The following TRAPPC11 variants were observed in gnomAD, a reference collection of about 807,000 sequenced individuals.
TRAPPC11 encodes the protein foie gras homolog.
A neutral mutation model predicts 151.2 loss-of-function variants in TRAPPC11; 104 were observed. The ratio of observed to expected loss-of-function variants is 0.69; its 90% CI spans 0.59 to 0.81. The LOEUF is 0.81. TRAPPC11 is among the 30% of genes least tolerant of loss of function. TRAPPC11 has a pLI of 0.00. For missense variants in TRAPPC11, 1,230 were observed against 1,349.6 expected (o/e 0.91, Z 1.39); for synonymous variants, 456 against 472.3 (o/e 0.97, Z 0.45).
At chr4:183,701,528 T>C in intron 25 of TRAPPC11, 169 bp from the exon 26 acceptor site, 1 of 558,326 alleles carries the variant, frequency 1.8e-6, no homozygotes. Flanking sequence ...AACAGTGGAC[T>C]TTGTGACCTT....
intron 22 of TRAPPC11, 95 bp downstream of exon 22, chr4:183,694,133 T>A (rs1011552207): frequency 3.0e-6 from 4 of 1,341,770 alleles, no homozygotes; most frequent in Non-Finnish European, 4.2e-6. Flanking sequence ...TTTTAACGCA[T>A]ATTCTAGGAC....
intron 29 of TRAPPC11, among the ~76,000 whole-genome samples, chr4:183,710,749 C>T (rs1737302934): frequency 1.3e-5 from 2 of 151,470 alleles, no homozygotes; most frequent in Admixed American, 6.6e-5. Flanking sequence ...AAAATTTTGG[C>T]CGGGCGTGGT....
At chr4:183,693,874 G>A in intron 21 of TRAPPC11, 43 bp from the exon 22 acceptor site, 2 of 1,605,890 alleles carry the variant, frequency 1.2e-6, no homozygotes, top group Non-Finnish European at 8.5e-7. Context: ...TTGGGATAAT[G>A]TTTGAATTCT....
At chr4:183,682,667 T>G (rs1288652538) in intron 10 of TRAPPC11, 65 bp from the exon 11 acceptor site, 21 of 1,038,466 alleles carry the variant, frequency 2.0e-5, no homozygotes, top group Non-Finnish European at 2.8e-5. Flanking sequence ...AGTCAAAGGT[T>G]GGGCAAGAGT....
At chr4:183,675,956 G>T (rs10049952) in intron 7 of TRAPPC11, among the ~76,000 whole-genome samples, 1 of 151,558 alleles carries the variant, frequency 6.6e-6, no homozygotes, top group Non-Finnish European at 1.5e-5. Context: ...TGAAGACAAA[G>T]GTATTAAAAA....
intron 1 of TRAPPC11, among the ~76,000 whole-genome samples, chr4:183,662,323 T>G (rs1308209061): frequency 7.5e-6 from 1 of 132,854 alleles, no homozygotes; most frequent in Non-Finnish European, 1.5e-5. Context: ...GCCAGTGCAC[T>G]CCAGCCTGGT....
chr4:183,689,933 T>C (rs1736174872), intron 18 of TRAPPC11, among the ~76,000 whole-genome samples: 2 of 152,210 alleles, frequency 1.3e-5, no homozygotes. Context: ...CGGGGCGCAG[T>C]GGCTCACGCC....
Position 183,683,992 on chromosome 4 carries a change from C to G in TRAPPC11, c.1225C>G (p.Pro409Ala). The change falls in exon 12 of 30, where the codon CCT becomes GCT. Residue 409 changes from proline to alanine, a missense_variant. By Grantham distance (27) the Pro-to-Ala change is conservative (BLOSUM62 -1). Transcript: ENST00000334690. Reference protein sequence around the residue: ...QGILSFDLSDPEKEKVGILAI... With the variant: ...QGILSFDLSDAEKEKVGILAI... Reference sequence around the variant, plus strand: ...TTACGCAGGTTTTGATCTTTCTGATCCTGAAAAAGAAAAGGTGGGAATTCT... The same window carrying G: ...TTACGCAGGTTTTGATCTTTCTGATGCTGAAAAAGAAAAGGTGGGAATTCT... The G allele has an allele frequency of 1.9e-6, 3 of 1,613,898 alleles. No homozygotes were observed. Among genetic ancestry groups the G allele is most frequent in the Non-Finnish European group, 2.5e-6 (3 of 1,179,906 alleles).
Position 183,693,701 on chromosome 4 carries a change from A to G in TRAPPC11, c.2350A>G (p.Ile784Val). ...TGTTCAGTCCCATGAAAAGACCCAA[A>G]TCAGAGATGTGAAGCTCACCGCTGG... ...VTVQSHEKTQ[I>V]RDVKLTAGLK... The change falls in exon 21 of 30, where the codon ATC (isoleucine) becomes GTC (valine). Residue 784 changes from isoleucine (I) to valine (V), a missense_variant. Transcript: ENST00000334690. 6.2e-7 allele frequency: 1 copy of G among 1,614,162 alleles called. No homozygotes were observed. The highest frequency in any genetic ancestry group is 8.5e-7 in the Non-Finnish European group (1 of 1,180,026).
chr4:183,705,198 C>A, intron 27 of TRAPPC11, 128 bp downstream of exon 27: 1 of 597,970 alleles, frequency 1.7e-6, no homozygotes, highest in Non-Finnish European at 3.0e-6. Context: ...TAGCTTATGG[C>A]CAGTCTTGCT....
At chr4:183,689,359 C>T (rs1046763247) in intron 18 of TRAPPC11, among the ~76,000 whole-genome samples, 1 of 151,936 alleles carries the variant, frequency 6.6e-6, no homozygotes, top group African/African-American at 2.4e-5. Context: ...CCCTCCTCTC[C>T]GACTACTTCA....
At chr4:183,705,428 C>T (rs532092062) in intron 27 of TRAPPC11, among the ~76,000 whole-genome samples, 2 of 152,124 alleles carry the variant, frequency 1.3e-5, no homozygotes, top group Admixed American at 1.3e-4. Flanking sequence ...GATGTTTTTT[C>T]AGTTTATTTT....
intron 23 of TRAPPC11, among the ~76,000 whole-genome samples, 163 bp from the exon 24 acceptor site, chr4:183,697,340 G>A (rs554528767): frequency 4.1e-4 from 62 of 151,956 alleles, no homozygotes; most frequent in African/African-American, 1.5e-3. Flanking sequence ...TTAGTACTCA[G>A]TTCTCTCGAC....
intron 5 of TRAPPC11, 117 bp downstream of exon 5, chr4:183,668,234 AC>A (rs1215696874): frequency 1.7e-6 from 1 of 591,348 alleles, no homozygotes. Context: ...TTCATATGAT[AC>A]AGAGGCTATG....
At chr4:183,666,574 T>G in intron 3 of TRAPPC11, 148 bp downstream of exon 3, 1 of 716,422 alleles carries the variant, frequency 1.4e-6, no homozygotes, top group East Asian at 2.7e-5. Flanking sequence ...TCCTCACAGG[T>G]AGCATAATTA....
chr4:183,693,644 C>A lies in TRAPPC11; in HGVS notation c.2293C>A (p.Leu765Met). ...ACATCTGCTACATGAACCCCCTGCA[C>A]TGACTAATGAAATGTATTGTTTGGT... ...SVHLLHEPPA[L>M]TNEMYCLVVT... Residue 765 changes from leucine (L) to methionine (M), a missense_variant, in exon 21 of 30, where the codon CTG becomes ATG. Leu to Met is a conservative substitution (Grantham distance 15, BLOSUM62 2). Coordinates refer to ENST00000334690, the MANE Select transcript of TRAPPC11 (RefSeq NM_021942.6). The A allele has an allele frequency of 1.2e-6, 2 of 1,614,104 alleles. No homozygotes were observed. Among genetic ancestry groups the A allele is most frequent in the South Asian group, 2.2e-5 (2 of 91,082 alleles).
chr4:183,663,356 C>G (rs1418763192), intron 1 of TRAPPC11, among the ~76,000 whole-genome samples: 1 of 152,172 alleles, frequency 6.6e-6, no homozygotes, highest in Non-Finnish European at 1.5e-5. Flanking sequence ...GCCTCAGCCT[C>G]CTGAGTAGCT....
intron 15 of TRAPPC11, 96 bp from the exon 16 acceptor site, chr4:183,684,988 G>C: frequency 7.6e-7 from 1 of 1,322,050 alleles, no homozygotes; most frequent in Non-Finnish European, 1.1e-6. Flanking sequence ...TCTTAAAGAG[G>C]TATTTATTAT....
chr4:183,706,522 CAAA>C (rs758266336), intron 27 of TRAPPC11, among the ~76,000 whole-genome samples: 5 of 109,648 alleles, frequency 4.6e-5, no homozygotes, highest in African/African-American at 6.7e-5. Context: ...GACTCCGCCT[CAAA>C]AAAAAAAAAA....
Sources: allele counts gnomAD v4.1 joint callset (sites outside exome capture counted in the v4.1 genomes callset), GRCh38; gene constraint gnomAD v4.1.1; transcripts MANE v1.5; gene names NCBI Gene and HGNC (gene_info 2026-07-23, HGNC 2026-07-21).